Variants in KCNH5 observed in about 807,000 individuals in gnomAD.
KCNH5 encodes the protein potassium voltage-gated channel subfamily H member 5, also known as voltage-gated delayed rectifier potassium channel KCNH5.
In KCNH5, 46 loss-of-function variants were observed where a neutral mutation model predicts 96.1. The observed-to-expected ratio is 0.48, with a 90% CI of 0.38 to 0.61. The LOEUF is 0.61. KCNH5 is among the 20% of genes least tolerant of loss of function. The pLI, the probability that KCNH5 is intolerant of heterozygous loss-of-function variation, is 0.00. For missense variants in KCNH5, 907 were observed against 1,225.8 expected (o/e 0.74, Z 3.88); for synonymous variants, 439 against 449.8 (o/e 0.98, Z 0.30).
chr14:62,903,694 T>G (rs1389053293), intron 7 of KCNH5, among the ~76,000 whole-genome samples: 1 of 152,020 alleles, frequency 6.6e-6, no homozygotes, highest in African/African-American at 2.4e-5. Flanking sequence ...AAAAACCTAT[T>G]CCATACTGAC....
intron 8 of KCNH5, among the ~76,000 whole-genome samples, chr14:62,848,810 T>C (rs1027130315): frequency 2.6e-5 from 4 of 152,172 alleles, no homozygotes; most frequent in Non-Finnish European, 5.9e-5. Context: ...GAAAGTATTA[T>C]GCCATCTAAT....
At chr14:62,720,682 T>A (rs1035707657) in intron 10 of KCNH5, among the ~76,000 whole-genome samples, 3 of 151,124 alleles carry the variant, frequency 2.0e-5, no homozygotes, top group Admixed American at 2.0e-4. Flanking sequence ...CAGCTTCAGA[T>A]TTATTTGGTC....
chr14:62,878,089 G>T (rs566336004), intron 7 of KCNH5, among the ~76,000 whole-genome samples: 4 of 147,654 alleles, frequency 2.7e-5, no homozygotes, highest in South Asian at 2.1e-4. Flanking sequence ...GTAAACTATC[G>T]CAAGGACAAA....
At chr14:62,903,954 T>C (rs1358606318) in intron 7 of KCNH5, among the ~76,000 whole-genome samples, 1 of 152,060 alleles carries the variant, frequency 6.6e-6, no homozygotes, top group African/African-American at 2.4e-5. Flanking sequence ...TCACACGCTA[T>C]TTTCTTAAAT....
intron 7 of KCNH5, among the ~76,000 whole-genome samples, chr14:62,932,469 T>A (rs1889598165): frequency 9.4e-5 from 11 of 117,608 alleles, no homozygotes; most frequent in South Asian, 2.5e-4. Context: ...ACTGTAGAAA[T>A]GAGATTAAAA....
At chr14:62,774,976 T>G (rs1886065984) in intron 10 of KCNH5, among the ~76,000 whole-genome samples, 1 of 152,202 alleles carries the variant, frequency 6.6e-6, no homozygotes, top group African/African-American at 2.4e-5. Context: ...GAAACATATA[T>G]TGAAATCCTA....
chr14:62,980,974 G>A lies in KCNH5; in HGVS notation c.840C>T (p.Asp280=), dbSNP rs746838059. The A allele has an allele frequency of 6.2e-7, 1 of 1,614,078 alleles. No individual in the cohort carries two copies. The highest frequency in any genetic ancestry group is 1.1e-5 in the South Asian group (1 of 91,070). The change falls in exon 6 of 11, where the codon GAC becomes GAT. Residue 280 remains aspartate (D), a synonymous_variant. Coordinates refer to ENST00000322893, the MANE Select transcript of KCNH5 (RefSeq NM_139318.5). The stretch of plus-strand genomic sequence containing the variant: ...GATAGTTCATCCTTATGAGCTTAGG[G>A]TCAGAAATGACCTCTCCACCGGGCC... ...FVGPGGEVIS[D]PKLIRMNYLK... is the part of the protein sequence containing the mutation.
intron 7 of KCNH5, among the ~76,000 whole-genome samples, chr14:62,933,455 ATG>A (rs533111893): frequency 9.1e-4 from 109 of 120,068 alleles, no homozygotes; most frequent in African/African-American, 2.0e-3. Context: ...CATATATATT[ATG>A]TGTGTGTGTG....
chr14:62,947,872 A>T (rs1234232390), intron 7 of KCNH5, among the ~76,000 whole-genome samples: 2 of 151,888 alleles, frequency 1.3e-5, no homozygotes, highest in African/African-American at 2.4e-5. Flanking sequence ...ACATATGCAC[A>T]TTGTGCAGGT....
chr14:62,994,059 A>C (rs1890862663), intron 4 of KCNH5, among the ~76,000 whole-genome samples: 1 of 152,086 alleles, frequency 6.6e-6, no homozygotes, highest in Admixed American at 6.6e-5. Context: ...AAATAAAAAG[A>C]AGTCACAGAG....
intron 10 of KCNH5, among the ~76,000 whole-genome samples, chr14:62,717,742 C>T (rs753576019): frequency 3.3e-5 from 5 of 152,094 alleles, no homozygotes; most frequent in South Asian, 2.1e-4. Flanking sequence ...ACAATGGTTT[C>T]GTAGATAGGT....
Position 62,736,964 on chromosome 14 carries a change from CTT to C in KCNH5, c.2020-28511_2020-28510del, listed in dbSNP as rs556058636. ...CTGTCCTTCAAACATGCCAAGAAAA[CTT>C]TTTTCTCTCAGGTCCTTTATAGTCA... is the stretch of plus-strand genomic sequence containing the variant. On this transcript the variant is annotated intron_variant, in intron 10 of 10. Coordinates refer to ENST00000322893, the MANE Select transcript of KCNH5 (RefSeq NM_139318.5). Among the ~76,000 whole-genome samples the C allele has an allele frequency of 1.7e-3, 261 of 152,226 alleles. 2 individuals are homozygous for C. Among genetic ancestry groups the C allele is most frequent in the African/African-American group, 6.2e-3 (256 of 41,562 alleles).
chr14:62,781,895 A>G (rs1886226745), intron 9 of KCNH5, among the ~76,000 whole-genome samples: 1 of 152,246 alleles, frequency 6.6e-6, no homozygotes, highest in Non-Finnish European at 1.5e-5. Flanking sequence ...ATAGGAAATC[A>G]CAAGGGTATT....
At chr14:63,029,610 A>G (rs933100862) in intron 1 of KCNH5, among the ~76,000 whole-genome samples, 8 of 152,096 alleles carry the variant, frequency 5.3e-5, no homozygotes, top group African/African-American at 1.9e-4. Flanking sequence ...AAAACCTATA[A>G]AATTGTATTT....
chr14:62,912,020 AGAGCGAGACT>A (rs1174866266), intron 7 of KCNH5, among the ~76,000 whole-genome samples: 6 of 145,442 alleles, frequency 4.1e-5, no homozygotes, highest in Non-Finnish European at 9.0e-5. Flanking sequence ...CCTGGGTGAC[AGAGCGAGACT>A]CCTAATCAAA....
chr14:62,747,432 A>G (rs1434347863), intron 10 of KCNH5, among the ~76,000 whole-genome samples: 1 of 152,176 alleles, frequency 6.6e-6, no homozygotes, highest in Non-Finnish European at 1.5e-5. Flanking sequence ...ATTTTTCCCA[A>G]TGCTTCCCCT....
intron 10 of KCNH5, among the ~76,000 whole-genome samples, chr14:62,747,249 C>G (rs1025191789): frequency 6.6e-6 from 1 of 151,988 alleles, no homozygotes; most frequent in East Asian, 1.9e-4. Context: ...GCAGAAGAAT[C>G]GCTTGAATTC....
chr14:62,888,910 C>T (rs886311996), intron 7 of KCNH5, among the ~76,000 whole-genome samples: 2 of 152,222 alleles, frequency 1.3e-5, no homozygotes, highest in South Asian at 2.1e-4. Flanking sequence ...AGTTGCTCTC[C>T]GATAAAACCT....
At chr14:62,988,097 T>C (rs552786940) in intron 4 of KCNH5, among the ~76,000 whole-genome samples, 1 of 152,210 alleles carries the variant, frequency 6.6e-6, no homozygotes, top group African/African-American at 2.4e-5. Context: ...AGAATTTTCT[T>C]CTGGGGCCTC....
Sources: allele counts gnomAD v4.1 joint callset (sites outside exome capture counted in the v4.1 genomes callset), GRCh38; gene constraint gnomAD v4.1.1; transcripts MANE v1.5; gene names NCBI Gene and HGNC (gene_info 2026-07-23, HGNC 2026-07-21).